The following PRELID2 variants were observed in gnomAD, a reference collection of about 807,000 sequenced individuals.
PRELID2 encodes PRELI domain-containing protein 2.
In PRELID2, 25 loss-of-function variants were observed where a neutral mutation model predicts 28.4. The ratio of observed to expected loss-of-function variants is 0.88; its 90% CI spans 0.64 to 1.23. The LOEUF (loss-of-function observed/expected upper bound fraction) is 1.23. Ranked by LOEUF, PRELID2 falls within the 50% of genes most tolerant of loss-of-function variation. The probability of loss-of-function intolerance (pLI) is 0.00; values close to 1 mark genes in which losing one functional copy is unlikely to be tolerated. For missense variants in PRELID2, 201 were observed against 214.4 expected, an observed-to-expected ratio of 0.94 and a Z score of 0.39; for synonymous variants, 76 against 71.6, an observed-to-expected ratio of 1.06 and a Z score of -0.31.
At chr5:145,486,796 G>A (rs946256825) in intron 1 of PRELID2, among the ~76,000 whole-genome samples, 19 of 151,902 alleles carry the variant, frequency 1.3e-4, no homozygotes, top group African/African-American at 4.6e-4. Flanking sequence ...GCACATGTAT[G>A]TTTATTGTGG....
chr5:145,627,097 C>CAAAAAAAAAAAAAAAA lies in PRELID2; in HGVS notation n.70+137818_70+137833dup, dbSNP rs745309247. Among the ~76,000 whole-genome samples, 3 of 41,826 alleles carry CAAAAAAAAAAAAAAAA rather than the reference C, an allele frequency of 7.2e-5. 1 individual carries two copies. Among genetic ancestry groups the CAAAAAAAAAAAAAAAA allele is most frequent in the Non-Finnish European group, 4.7e-5 (1 of 21,402 alleles). The allele number at this position is 41,826 out of a possible 152,430, so 27.4% of individuals were successfully genotyped here. A position where few individuals can be genotyped will look rare whatever the true frequency, so the allele number is the denominator to read the frequency against. On this transcript the variant is annotated intron_variant and non_coding_transcript_variant, in intron 1 of 2. Transcript: ENST00000510259. Reference sequence around the variant, plus strand: ...CCTGGGTGACAGAGTAAGACTCTCCCAAAAAAAAAAAAAAAAAAAAAAAAA... The same window carrying CAAAAAAAAAAAAAAAA: ...CCTGGGTGACAGAGTAAGACTCTCCCAAAAAAAAAAAAAAAAAAAAAAAAAAAAAAAAAAAAAAAAA...
the PRELID2 span, among the ~76,000 whole-genome samples, chr5:145,420,328 G>A: frequency 2.0e-5 from 3 of 152,112 alleles, no homozygotes; most frequent in Admixed American, 2.0e-4. Flanking sequence ...TGGGCAGTAT[G>A]GCCATTTTCA....
intron 1 of PRELID2, among the ~76,000 whole-genome samples, chr5:145,654,126 C>T (rs56299756): frequency 0.056 from 8,442 of 152,094 alleles, 584 homozygotes; most frequent in African/African-American, 0.16. Flanking sequence ...AACACCTCTA[C>T]GCAAATAAAC....
At chr5:145,658,203 A>G (rs866001244) in intron 1 of PRELID2, among the ~76,000 whole-genome samples, 26 of 152,368 alleles carry the variant, frequency 1.7e-4, no homozygotes, top group African/African-American at 5.5e-4. Context: ...TGTTAGGACT[A>G]TGAACAAAAA....
intron 1 of PRELID2, among the ~76,000 whole-genome samples, chr5:145,589,867 G>A (rs987272808): frequency 6.6e-6 from 1 of 152,080 alleles, no homozygotes; most frequent in East Asian, 1.9e-4. Flanking sequence ...TTATTTTGTT[G>A]TATGGTTTGA....
At chr5:145,632,552 G>A (rs1753947484) in intron 1 of PRELID2, among the ~76,000 whole-genome samples, 1 of 152,018 alleles carries the variant, frequency 6.6e-6, no homozygotes, top group Non-Finnish European at 1.5e-5. Flanking sequence ...ACCTGCTCAG[G>A]GAAAGGTAGG....
chr5:145,323,432 G>A, the PRELID2 span, among the ~76,000 whole-genome samples: 1 of 152,114 alleles, frequency 6.6e-6, no homozygotes, highest in Admixed American at 6.5e-5. Flanking sequence ...TTTTAAAGAC[G>A]TCTCTGGCCA....
intron 4 of PRELID2, among the ~76,000 whole-genome samples, chr5:145,814,197 T>C (rs1288047042): frequency 6.6e-6 from 1 of 152,188 alleles, no homozygotes; most frequent in Non-Finnish European, 1.5e-5. Flanking sequence ...TCAGAGCTAA[T>C]TGTCATTTTA....
the PRELID2 span, chr5:145,338,409 C>A: frequency 6.6e-6 from 1 of 152,154 alleles, no homozygotes; most frequent in African/African-American, 2.4e-5. Flanking sequence ...AAAAATCACA[C>A]TTCTGCATGC....
At chr5:145,269,529 G>T in the PRELID2 span, among the ~76,000 whole-genome samples, 1 of 151,766 alleles carries the variant, frequency 6.6e-6, no homozygotes, top group Non-Finnish European at 1.5e-5. Flanking sequence ...AAACTATAAA[G>T]CTTCTAGAAG....
At chr5:145,654,939 G>A (rs1431282324) in intron 1 of PRELID2, among the ~76,000 whole-genome samples, 1 of 152,054 alleles carries the variant, frequency 6.6e-6, no homozygotes, top group Non-Finnish European at 1.5e-5. Context: ...TATTCAATTA[G>A]GAAAAGAGGA....
chr5:145,542,832 A>G (rs1015920843), intron 1 of PRELID2, among the ~76,000 whole-genome samples: 4 of 127,844 alleles, frequency 3.1e-5, no homozygotes, highest in Admixed American at 2.4e-4. Flanking sequence ...CTTTCTTTCT[A>G]TTATACATGG....
intron 5 of PRELID2, chr5:145,795,866 A>C (rs374609364): frequency 1.3e-5 from 2 of 152,200 alleles, no homozygotes; most frequent in East Asian, 3.9e-4. Context: ...AGCTCTACTT[A>C]AAATAGAGCA....
the PRELID2 span, among the ~76,000 whole-genome samples, chr5:145,336,248 G>C: frequency 1.4e-4 from 21 of 151,974 alleles, no homozygotes; most frequent in Admixed American, 2.0e-4. Flanking sequence ...ATGGTAGTTT[G>C]TTTTGCTGTG....
intron 1 of PRELID2, among the ~76,000 whole-genome samples, chr5:145,595,485 C>T (rs988558219): frequency 2.6e-5 from 4 of 152,150 alleles, no homozygotes; most frequent in African/African-American, 9.7e-5. Context: ...CAGTTCTATA[C>T]ATTCATGCAT....
chr5:145,705,582 C>G (rs1897540), intron 1 of PRELID2, among the ~76,000 whole-genome samples: 27,697 of 151,948 alleles, frequency 0.18, 6,323 homozygotes, highest in African/African-American at 0.54. Context: ...TTATCAATAA[C>G]CAAATAGTTA....
At chr5:145,675,467 T>A (rs1400172300) in intron 1 of PRELID2, among the ~76,000 whole-genome samples, 1 of 152,250 alleles carries the variant, frequency 6.6e-6, no homozygotes, top group Non-Finnish European at 1.5e-5. Context: ...AGATTGACAC[T>A]ATCTAGCAAA....
intron 1 of PRELID2, among the ~76,000 whole-genome samples, chr5:145,742,211 C>G (rs1159929198): frequency 3.4e-4 from 34 of 101,060 alleles, no homozygotes; most frequent in Non-Finnish European, 5.3e-4. Context: ...TATAAATATA[C>G]ATTTTTATTT....
At chr5:145,384,822 C>T in the PRELID2 span, among the ~76,000 whole-genome samples, 4 of 152,074 alleles carry the variant, frequency 2.6e-5, no homozygotes, top group Non-Finnish European at 4.4e-5. Flanking sequence ...CAGGCTCTCA[C>T]GAGAAGTCAC....
Sources: gnomAD v4.1 joint callset for allele counts (sites outside exome capture counted in the v4.1 genomes callset) on GRCh38, gnomAD v4.1.1 for gene constraint, MANE v1.5 for transcripts, NCBI Gene and HGNC (gene_info 2026-07-23, HGNC 2026-07-21) for gene names.